Variants in WWOX observed in about 807,000 individuals in gnomAD.
WWOX encodes WW domain-containing oxidoreductase.
A neutral mutation model predicts 46.2 loss-of-function variants in WWOX; 69 were observed. The ratio of observed to expected loss-of-function variants is 1.49; its 90% CI spans 1.23 to 1.82. The LOEUF is 1.82. Among genes scored for constraint, WWOX ranks in the 40% most tolerant of loss-of-function variants. WWOX has a pLI of 0.00. For missense variants in WWOX, 919 were observed against 542.6 expected, an observed-to-expected ratio of 1.69 and a Z score of -6.89; for synonymous variants, 359 against 202.6, an observed-to-expected ratio of 1.77 and a Z score of -6.56.
intron 5 of WWOX, among the ~76,000 whole-genome samples, chr16:78,358,470 C>G (rs1032845981): frequency 5.9e-5 from 9 of 152,088 alleles, no homozygotes; most frequent in Non-Finnish European, 1.3e-4. Context: ...CCAGCCTGGC[C>G]AACATGGTGA....
chr16:78,654,882 G>C (rs534345733), intron 8 of WWOX, among the ~76,000 whole-genome samples: 8 of 151,754 alleles, frequency 5.3e-5, no homozygotes, highest in South Asian at 2.1e-4. Flanking sequence ...TTTTCTTGGT[G>C]GGGGGGATGC....
chr16:78,938,648 G>A (rs920414081), intron 8 of WWOX, among the ~76,000 whole-genome samples: 1 of 152,070 alleles, frequency 6.6e-6, no homozygotes, highest in African/African-American at 2.4e-5. Context: ...GATTTATTAT[G>A]CATTTACTGT....
Position 78,260,671 on chromosome 16 carries a change from A to G in WWOX, c.516+96382A>G, listed in dbSNP as rs146419623. Among the ~76,000 whole-genome samples the G allele has an allele frequency of 5.5e-3, 821 of 149,982 alleles. 19 individuals are homozygous for G. Among genetic ancestry groups the G allele is most frequent in the Non-Finnish European group, 9.6e-3 (647 of 67,484 alleles). On this transcript the variant is annotated intron_variant, in intron 5 of 8. Coordinates refer to ENST00000566780, the MANE Select transcript of WWOX (RefSeq NM_016373.4). The stretch of plus-strand genomic sequence containing the variant: ...TGACAAAGCTATACTCCATCTAAAA[A>G]AAAAAATTAGTTATCTCTGCCCTTT...
intron 6 of WWOX, among the ~76,000 whole-genome samples, chr16:78,397,798 T>A (rs117669983): frequency 0.027 from 4,163 of 152,288 alleles, 352 homozygotes; most frequent in East Asian, 0.19. Context: ...CTGCTGGGAT[T>A]ATAGGCGTGA....
chr16:78,852,923 T>G (rs542348374), intron 8 of WWOX, among the ~76,000 whole-genome samples: 1 of 152,338 alleles, frequency 6.6e-6, no homozygotes, highest in Middle Eastern at 3.4e-3. Context: ...GGCTTCTTTC[T>G]TCTCATCATT....
intron 5 of WWOX, among the ~76,000 whole-genome samples, chr16:78,243,982 C>T (rs1213349945): frequency 3.3e-5 from 5 of 152,184 alleles, no homozygotes; most frequent in East Asian, 1.9e-4. Context: ...ACCCAATCTC[C>T]ACTCTACCGT....
At chr16:78,646,076 C>T (rs72792799) in intron 8 of WWOX, among the ~76,000 whole-genome samples, 7,668 of 152,178 alleles carry the variant, frequency 0.05, 273 homozygotes, top group Non-Finnish European at 0.075. Flanking sequence ...TGGGTAACTG[C>T]GCATACTCTC....
intron 5 of WWOX, among the ~76,000 whole-genome samples, chr16:78,302,246 C>T (rs894247636): frequency 2.1e-4 from 32 of 152,164 alleles, no homozygotes; most frequent in African/African-American, 7.2e-4. Context: ...CAGATGTGAG[C>T]CACTGTGCCC....
At chr16:78,140,572 C>A (rs1021156113) in intron 4 of WWOX, among the ~76,000 whole-genome samples, 2 of 152,146 alleles carry the variant, frequency 1.3e-5, no homozygotes. Context: ...TGGCCTGTGG[C>A]AGGGTAATTC....
At chr16:79,198,402 G>T (rs140781603) in intron 8 of WWOX, among the ~76,000 whole-genome samples, 9 of 152,082 alleles carry the variant, frequency 5.9e-5, no homozygotes, top group Non-Finnish European at 1.3e-4. Flanking sequence ...AAATCCTCCC[G>T]CTTTTTTTGC....
chr16:78,238,649 C>A (rs150999989), intron 5 of WWOX, among the ~76,000 whole-genome samples: 1 of 150,142 alleles, frequency 6.7e-6, no homozygotes, highest in East Asian at 2.0e-4. Context: ...GATGGAGTTT[C>A]GCTCTTGTTG....
At position 78,822,852 on chromosome 16, in the gene WWOX, T is replaced by A. The variant is rs184839151; in HGVS notation, c.1057-388756T>A. 1.5e-3 allele frequency among the ~76,000 whole-genome samples: 223 copies of A among 151,720 alleles called. 1 individual carries two copies. Among genetic ancestry groups the A allele is most frequent in the African/African-American group, 5.2e-3 (215 of 41,342 alleles). ...GTAATTCCTAAAGAAGAGTCATTTG[T>A]AAATTAGGGAGGAAGAGCTAAAAAA... On this transcript the variant is annotated intron_variant, in intron 8 of 8. Transcript: ENST00000566780.
chr16:78,965,719 G>T (rs951503828), intron 8 of WWOX, among the ~76,000 whole-genome samples: 30 of 152,004 alleles, frequency 2.0e-4, no homozygotes, highest in Admixed American at 5.2e-4. Flanking sequence ...TGCCCTTCCC[G>T]CATTGTGACT....
At chr16:78,978,970 C>T (rs75009478) in intron 8 of WWOX, among the ~76,000 whole-genome samples, 1 of 152,158 alleles carries the variant, frequency 6.6e-6, no homozygotes, top group Non-Finnish European at 1.5e-5. Flanking sequence ...CTCTCCCCTA[C>T]ACCTTGAAGC....
chr16:78,480,448 C>T (rs993120784), intron 8 of WWOX, among the ~76,000 whole-genome samples: 2 of 152,176 alleles, frequency 1.3e-5, no homozygotes, highest in Admixed American at 6.5e-5. Flanking sequence ...AAGTGTTTTG[C>T]ATATATTTAC....
intron 7 of WWOX, among the ~76,000 whole-genome samples, chr16:78,431,849 T>A (rs1033926293): frequency 6.6e-6 from 1 of 152,094 alleles, no homozygotes; most frequent in East Asian, 1.9e-4. Flanking sequence ...CCCAAGTAGC[T>A]GGGACCACAG....
At chr16:78,790,477 C>T (rs1002550713) in intron 8 of WWOX, among the ~76,000 whole-genome samples, 6 of 152,118 alleles carry the variant, frequency 3.9e-5, no homozygotes, top group African/African-American at 7.2e-5. Context: ...ACTTAAATCT[C>T]CTCTAGAAAA....
At chr16:78,131,094 T>C (rs539887692) in intron 4 of WWOX, among the ~76,000 whole-genome samples, 1 of 152,290 alleles carries the variant, frequency 6.6e-6, no homozygotes, top group East Asian at 1.9e-4. Flanking sequence ...ACAGTAAAAA[T>C]ACAGTGTTGT....
At chr16:78,168,290 A>G (rs1263434359) in intron 5 of WWOX, 2 of 152,228 alleles carry the variant, frequency 1.3e-5, no homozygotes, top group African/African-American at 2.4e-5. Context: ...GTTCTAGAAC[A>G]TTCATGTCTG....
Sources: gnomAD v4.1 joint callset for allele counts (sites outside exome capture counted in the v4.1 genomes callset) on GRCh38, gnomAD v4.1.1 for gene constraint, MANE v1.5 for transcripts, NCBI Gene and HGNC (gene_info 2026-07-23, HGNC 2026-07-21) for gene names.